Variants in HERC2 observed in about 807,000 individuals in gnomAD.
HERC2 encodes HECT and RLD domain containing E3 ubiquitin protein ligase 2, also known as E3 ubiquitin-protein ligase HERC2.
HERC2 carries 102 observed loss-of-function variants against 537.7 expected under a neutral mutation model. The observed-to-expected ratio is 0.19, with a 90% CI of 0.16 to 0.22. HERC2 has a LOEUF of 0.22. Among genes scored for constraint, HERC2 ranks in the 10% least tolerant of loss-of-function variants. The pLI is 1.00. For synonymous variants in HERC2, 2,224 were observed against 2,466.2 expected, an observed-to-expected ratio of 0.90 and a Z score of 2.91; for missense variants, 4,236 against 6,198.2, an observed-to-expected ratio of 0.68 and a Z score of 10.63.
At position 28,111,411 on chromosome 15, in the gene HERC2, G is replaced by GA. The variant is rs5811538; in HGVS notation, c.*351dup. On this transcript the variant is annotated 3_prime_UTR_variant, in exon 93 of 93. Transcript: ENST00000261609. ...CACGACACTTGAAAGAAAGGAGAAA[G>GA]AAAAAAAATCGATTGCACCCACAAG... 0.89 allele frequency: 220,004 copies of GA among 247,970 alleles called. 101,888 individuals carry two copies. Among genetic ancestry groups the GA allele is most frequent in the Non-Finnish European group, 0.99 (128,640 of 130,412 alleles). The allele number at this position is 247,970 out of a possible 1,614,324, so 15.4% of individuals were successfully genotyped here.
intron 57 of HERC2, among the ~76,000 whole-genome samples, chr15:28,179,727 A>G (rs1345101992): frequency 3.3e-5 from 5 of 152,196 alleles, no homozygotes; most frequent in Non-Finnish European, 7.3e-5. Context: ...TGGGGGTGAA[A>G]GAGAGCAACA....
intron 44 of HERC2, among the ~76,000 whole-genome samples, chr15:28,209,490 C>G (rs1898880093): frequency 2.0e-5 from 3 of 151,982 alleles, no homozygotes; most frequent in Admixed American, 2.0e-4. Flanking sequence ...ACTACAGGCA[C>G]CTGCCACCAC....
chr15:28,317,774 T>C (rs2077128428), intron 2 of HERC2, among the ~76,000 whole-genome samples: 2 of 152,224 alleles, frequency 1.3e-5, no homozygotes, highest in Non-Finnish European at 2.9e-5. Context: ...ACACACATTG[T>C]ACCAACTTCA....
chr15:28,192,197 G>A (rs1020467666), intron 52 of HERC2, 46 bp from the exon 53 acceptor site: 2 of 1,484,762 alleles, frequency 1.3e-6, no homozygotes, highest in Non-Finnish European at 1.9e-6. Flanking sequence ...GCTGAACTGG[G>A]GAGAAACATC....
intron 2 of HERC2, among the ~76,000 whole-genome samples, chr15:28,316,651 C>CA (rs2077094729): frequency 2.0e-5 from 3 of 152,198 alleles, no homozygotes; most frequent in Non-Finnish European, 2.9e-5. Flanking sequence ...CTAAAAACGT[C>CA]AATGAAGACT....
intron 69 of HERC2, among the ~76,000 whole-genome samples, chr15:28,155,020 G>T (rs1566950877): frequency 2.0e-5 from 3 of 149,616 alleles, no homozygotes; most frequent in Admixed American, 6.7e-5. Flanking sequence ...GCAGTGTTTG[G>T]TTTTTTTGTC....
rs1390877991 is a variant in HERC2, at chr15:28,188,514, A to G, written c.8650-1762T>C. ...AGCCGGGATCACACCACTGCACTCC[A>G]GCCTGGGTGACAGAGTGAGACTCCG... On this transcript the variant is annotated intron_variant, in intron 55 of 92. Coordinates refer to ENST00000261609, the MANE Select transcript of HERC2 (RefSeq NM_004667.6). 2.6e-5 allele frequency among the ~76,000 whole-genome samples: 4 copies of G among 151,658 alleles called. No homozygotes were observed. In the East Asian group the frequency reaches 7.7e-4, roughly 29 times the overall value.
chr15:28,201,598 G>A (rs1897917590), intron 47 of HERC2, 44 bp from the exon 48 acceptor site: 2 of 1,183,748 alleles, frequency 1.7e-6, no homozygotes, highest in Non-Finnish European at 2.5e-6. Context: ...AGGAGAACAT[G>A]ATAAACCTAC....
At chr15:28,202,297 T>C (rs1229361319) in intron 46 of HERC2, 48 bp from the exon 47 acceptor site, 28 of 1,612,884 alleles carry the variant, frequency 1.7e-5, no homozygotes, top group Non-Finnish European at 2.3e-5. Context: ...TCAACAGCCC[T>C]GAAGCGGGAA....
chr15:28,137,106 A>G (rs1343024418), intron 78 of HERC2, among the ~76,000 whole-genome samples: 1 of 152,202 alleles, frequency 6.6e-6, no homozygotes, highest in African/African-American at 2.4e-5. Context: ...ACAAGGGGTC[A>G]CTGATTGGGA....
Position 28,177,597 on chromosome 15 carries a change from A to C in HERC2, c.9164-88T>G. ...TAGCTCCCTATTTTGCCTGGCATAT[A>C]GCACACACTCAATGAGCGTGAGCTG... On this transcript the variant is annotated intron_variant, in intron 59 of 92. Coordinates refer to ENST00000261609, the MANE Select transcript of HERC2 (RefSeq NM_004667.6). The surrounding 1 kb of genome is among the most constrained non-coding windows in gnomAD (Gnocchi z 5.0). 6.3e-6 allele frequency: 7 copies of C among 1,115,258 alleles called. No individual in the cohort carries two copies. Among genetic ancestry groups the C allele is most frequent in the Non-Finnish European group, 8.2e-6 (6 of 729,388 alleles). The allele number at this position is 1,115,258 out of a possible 1,614,324, so 69.1% of individuals were successfully genotyped here. A position where few individuals can be genotyped will look rare whatever the true frequency, so the allele number is the denominator to read the frequency against.
At chr15:28,266,799 G>A (rs2075580445) in intron 12 of HERC2, among the ~76,000 whole-genome samples, 1 of 152,150 alleles carries the variant, frequency 6.6e-6, no homozygotes, top group Non-Finnish European at 1.5e-5. Flanking sequence ...GTACAAAGAG[G>A]GCCCTGGAAG....
intron 35 of HERC2, among the ~76,000 whole-genome samples, chr15:28,225,915 T>G (rs532321897): frequency 4.9e-4 from 74 of 152,230 alleles, no homozygotes; most frequent in African/African-American, 1.7e-3. Context: ...AAAATCTGAA[T>G]AGACCCGTAA....
At position 28,176,403 on chromosome 15, in the gene HERC2, T is replaced by C. The variant is rs779363128; in HGVS notation, c.9686+25A>G. The C allele has an allele frequency of 5.0e-6, 8 of 1,612,340 alleles. No individual in the cohort carries two copies. Among genetic ancestry groups the C allele is most frequent in the Non-Finnish European group, 6.8e-6 (8 of 1,178,690 alleles). Reference sequence around the variant, plus strand: ...CACACACCTGCACAAGCACACACAGTGTGACAGGGAGGACGTTTACGTACC... The same window carrying C: ...CACACACCTGCACAAGCACACACAGCGTGACAGGGAGGACGTTTACGTACC... On this transcript the variant is annotated intron_variant, in intron 63 of 92. Coordinates refer to ENST00000261609, the MANE Select transcript of HERC2 (RefSeq NM_004667.6). This position sits in a 1 kb window ranked among gnomAD's most constrained non-coding sequence, Gnocchi z 5.0.
At chr15:28,127,218 G>A (rs934688672) in intron 83 of HERC2, among the ~76,000 whole-genome samples, 1 of 152,260 alleles carries the variant, frequency 6.6e-6, no homozygotes, top group Non-Finnish European at 1.5e-5. Context: ...CACAAGGTGA[G>A]GAGGGTGTCT....
rs1476757818 is a variant in HERC2 at position 28,307,447 on chromosome 15, A to G, written c.73-7931T>C. Among the ~76,000 whole-genome samples, 4 of 152,242 alleles carry G rather than the reference A, an allele frequency of 2.6e-5. No individual in the cohort carries two copies. In the East Asian group the frequency reaches 7.7e-4, roughly 29 times the overall value. On this transcript the variant is annotated intron_variant, in intron 2 of 92. Transcript: ENST00000261609. Reference sequence around the variant, plus strand: ...GCTCCTTCTTTTCTAGTTCTTTAAGATGTATCATTAGGTTATTTATTTGAA... The same window carrying G: ...GCTCCTTCTTTTCTAGTTCTTTAAGGTGTATCATTAGGTTATTTATTTGAA...
chr15:28,208,257 A>AT (rs922343597), intron 44 of HERC2, among the ~76,000 whole-genome samples: 1 of 152,106 alleles, frequency 6.6e-6, no homozygotes, highest in Admixed American at 6.6e-5. Flanking sequence ...GGACTTGCAT[A>AT]TTTTTTTCAA....
chr15:28,212,373 A>G, intron 43 of HERC2, 72 bp downstream of exon 43: 1 of 1,109,052 alleles, frequency 9.0e-7, no homozygotes, highest in South Asian at 1.4e-5. Flanking sequence ...GAATTCACTC[A>G]TAAAAGAACA....
At chr15:28,276,565 T>C (rs1034628063) in intron 5 of HERC2, among the ~76,000 whole-genome samples, 2 of 151,794 alleles carry the variant, frequency 1.3e-5, no homozygotes, top group Non-Finnish European at 2.9e-5. Context: ...CAAAACCCCA[T>C]CTCTACTAAA....
Sources: gnomAD v4.1 joint callset for allele counts (sites outside exome capture counted in the v4.1 genomes callset) on GRCh38, gnomAD v4.1.1 for gene constraint, Gnocchi (gnomAD v3.1) non-coding constraint, MANE v1.5 for transcripts, NCBI Gene and HGNC (gene_info 2026-07-23, HGNC 2026-07-21) for gene names.